CC2D1B: variants seen among roughly 807,000 people sequenced by gnomAD.
CC2D1B encodes coiled-coil and C2 domain containing 1B, also known as coiled-coil and C2 domain-containing protein 1B.
A neutral mutation model predicts 110.8 loss-of-function variants in CC2D1B; 92 were observed. The observed-to-expected ratio is 0.83, with a 90% CI of 0.70 to 0.99. The LOEUF (loss-of-function observed/expected upper bound fraction) is 0.99. Ranked by LOEUF, CC2D1B falls within the 50% of genes least tolerant of loss-of-function variation. The pLI, the probability that CC2D1B is intolerant of heterozygous loss-of-function variation, is 0.00. For missense variants in CC2D1B, 1,136 were observed against 1,089.0 expected, an observed-to-expected ratio of 1.04 and a Z score of -0.61; for synonymous variants, 406 against 429.2, an observed-to-expected ratio of 0.95 and a Z score of 0.67.
rs1176629656 is a variant in CC2D1B at position 52,351,472 on chromosome 1, G to A, written c.*1753C>T. The A allele has an allele frequency of 6.6e-6, 1 of 152,108 alleles. No individual in the cohort carries two copies. Among genetic ancestry groups the A allele is most frequent in the Non-Finnish European group, 1.5e-5 (1 of 68,038 alleles). 9.4% of individuals were successfully genotyped at this position (152,108 alleles called of 1,614,324 possible). A position where few individuals can be genotyped will look rare whatever the true frequency, so the allele number is the denominator to read the frequency against. On this transcript the variant is annotated 3_prime_UTR_variant, in exon 25 of 25. Transcript: ENST00000284376. ...CCAGTCACCTTTCTTTGCTCTATAG[G>A]TCATCTTATGAAGGCTAATCACCCT...
intron 6 of CC2D1B, 58 bp downstream of exon 6, chr1:52,360,366 C>T (rs1646752679): frequency 1.9e-6 from 3 of 1,600,874 alleles, no homozygotes; most frequent in Non-Finnish European, 2.6e-6. Flanking sequence ...GCGATCTCCA[C>T]CAGCCGCCTT....
rs975979817 is a variant in CC2D1B, at chr1:52,359,018, C to T, written c.1257+9G>A. 3.1e-6 allele frequency: 5 copies of T among 1,604,374 alleles called. No homozygotes were observed. In the South Asian group the frequency reaches 3.3e-5, roughly 11 times the overall value. ...AGCACAGGCAGGGGCTGCATAGCCG[C>T]GGGCCCACCTTGGCAATGCGCTCAT... On this transcript the variant is annotated intron_variant, in intron 11 of 24. Transcript: ENST00000284376.
chr1:52,353,901 A>C, intron 23 of CC2D1B: 1 of 370,550 alleles, frequency 2.7e-6, no homozygotes, highest in Non-Finnish European at 4.9e-6. Context: ...TTTCTCCTCA[A>C]TCCCCACGGC....
chr1:52,353,723 G>A, intron 23 of CC2D1B, 76 bp from the exon 24 acceptor site: 1 of 1,108,212 alleles, frequency 9.0e-7, no homozygotes, highest in Non-Finnish European at 1.3e-6. Context: ...ACATTCCCAG[G>A]AAAGAAGTGA....
At chr1:52,361,971 C>T (rs1646791177) in intron 3 of CC2D1B, among the ~76,000 whole-genome samples, 1 of 152,356 alleles carries the variant, frequency 6.6e-6, no homozygotes, top group African/African-American at 2.4e-5. Flanking sequence ...ATAATATCCC[C>T]TTTTCATATA....
At chr1:52,355,568 A>G (rs1646630864) in intron 20 of CC2D1B, 40 bp downstream of exon 20, 1 of 1,612,630 alleles carries the variant, frequency 6.2e-7, no homozygotes. Flanking sequence ...CTGGAATGCA[A>G]GGCGGGTTTC....
intron 2 of CC2D1B, among the ~76,000 whole-genome samples, 192 bp from the exon 3 acceptor site, chr1:52,362,938 C>G (rs1264157684): frequency 1.3e-5 from 2 of 152,172 alleles, no homozygotes; most frequent in African/African-American, 4.8e-5. Flanking sequence ...CAACAAAAAA[C>G]CCAGTAAGAC....
chr1:52,358,719 T>C lies in CC2D1B; in HGVS notation c.1297A>G (p.Lys433Glu), dbSNP rs765280551. The C allele has an allele frequency of 6.2e-7, 1 of 1,613,326 alleles. No homozygotes were observed. The highest frequency in any genetic ancestry group is 8.5e-7 in the Non-Finnish European group (1 of 1,179,786). The part of the protein sequence containing the change: ...DAIRAHRAGR[K>E]VNFAELPVPP... ...ACAGGCAATTCAGCAAAGTTGACTT[T>C]CCGTCCTGCTCGGTGTGCTCGAATA... Residue 433 changes from lysine to glutamate, a missense_variant, in exon 12 of 25, where the codon AAA becomes GAA. By Grantham distance (56) the Lys-to-Glu change is moderately conservative (BLOSUM62 1). Coordinates refer to ENST00000284376, the MANE Select transcript of CC2D1B (RefSeq NM_001330585.2).
intron 13 of CC2D1B, 100 bp from the exon 14 acceptor site, chr1:52,357,998 C>A: frequency 6.8e-7 from 1 of 1,475,302 alleles, no homozygotes; most frequent in Non-Finnish European, 9.0e-7. Context: ...TACTACATCG[C>A]TGTGTGACCT....
chr1:52,361,510 C>T lies in CC2D1B; in HGVS notation c.318+3G>A, dbSNP rs1465213135. ...CCCTGGGATACCAGCCTGGCAGACA[C>T]ACCAGCAGCTCTGCATCTTCCTCCA... On this transcript the variant is annotated splice_donor_region_variant and intron_variant, in intron 4 of 24. Transcript: ENST00000284376. 1 of 1,613,926 alleles carries T rather than the reference C, an allele frequency of 6.2e-7. No homozygotes were observed. The highest frequency in any genetic ancestry group is 2.2e-5 in the East Asian group (1 of 44,884).
At position 52,358,428 on chromosome 1, in the gene CC2D1B, A is replaced by G; in HGVS notation, c.1364T>C (p.Met455Thr). Residue 455 changes from methionine (M) to threonine (T), a missense_variant, in exon 13 of 25, where the codon ATG becomes ACG. By Grantham distance (81) the Met-to-Thr change is moderately conservative. Transcript: ENST00000284376. ...TGCCACTGCGTCCTCCTCAACACCCATAGTGGACTCCAGGCCAGGGATGGG... is the reference window on the plus strand; with the variant it reads ...TGCCACTGCGTCCTCCTCAACACCCGTAGTGGACTCCAGGCCAGGGATGGG... ...FPPIPGLESTMGVEEDAVAAT... is the reference protein window; with the variant it reads ...FPPIPGLESTTGVEEDAVAAT... The G allele has an allele frequency of 6.2e-7, 1 of 1,613,998 alleles. No homozygotes were observed. Among genetic ancestry groups the G allele is most frequent in the Non-Finnish European group, 8.5e-7 (1 of 1,179,994 alleles).
Position 52,356,456 on chromosome 1 carries a change from C to T in CC2D1B, c.1879-14G>A, listed in dbSNP as rs780001040. ...CAGCAGGCACTTCTGAAAATAGAGG[C>T]CCAGAGTGACTCCCGAGCCCAGAGC... On this transcript the variant is annotated splice_polypyrimidine_tract_variant and intron_variant, in intron 16 of 24. Transcript: ENST00000284376. 1 of 1,614,112 alleles carries T rather than the reference C, an allele frequency of 6.2e-7. No homozygotes were observed. Among genetic ancestry groups the T allele is most frequent in the East Asian group, 2.2e-5 (1 of 44,890 alleles).
At position 52,362,618 on chromosome 1, in the gene CC2D1B, T is replaced by C; in HGVS notation, c.198A>G (p.Pro66=). The C allele has an allele frequency of 6.2e-7, 1 of 1,614,202 alleles. No individual in the cohort carries two copies. The highest frequency in any genetic ancestry group is 8.5e-7 in the Non-Finnish European group (1 of 1,180,034). ...TGEAQTTGKK[P]APKGQAPLPM... is the part of the protein sequence containing the mutation. ...CAAACTCACCCTGCCCCTTGGGTGC[T>C]GGCTTCTTGCCTGTGGTTTGTGCTT... Residue 66 remains proline (P), a synonymous_variant, in exon 3 of 25, where the codon CCA becomes CCG. Coordinates refer to ENST00000284376, the MANE Select transcript of CC2D1B (RefSeq NM_001330585.2).
Position 52,361,569 on chromosome 1 carries a change from GCATA to G in CC2D1B, c.258_261del (p.Met87GlyfsTer19). On this transcript the variant is annotated frameshift_variant, in exon 4 of 25. Transcript: ENST00000284376. LOFTEE classifies it high-confidence loss of function. ...TCCTCCTCCTCCTCCTCCACATCCCGCATACAGTCTGCCGCCAACTTCTCGATGT... is the reference window on the plus strand; with the variant it reads ...TCCTCCTCCTCCTCCTCCACATCCCGCAGTCTGCCGCCAACTTCTCGATGT... 1 of 1,613,734 alleles carries G rather than the reference GCATA, an allele frequency of 6.2e-7. No homozygotes were observed. Among genetic ancestry groups the G allele is most frequent in the Non-Finnish European group, 8.5e-7 (1 of 1,179,986 alleles).
chr1:52,363,752 C>T (rs972155229), intron 2 of CC2D1B, among the ~76,000 whole-genome samples: 2 of 151,160 alleles, frequency 1.3e-5, no homozygotes, highest in African/African-American at 4.9e-5. Context: ...ACTATCTTGG[C>T]TCACTGCAAC....
In CC2D1B at chr1:52,358,677, C is replaced by G. The variant is rs774208841; in HGVS notation, c.1330+9G>C. On this transcript the variant is annotated intron_variant, in intron 12 of 24. Transcript: ENST00000284376. Reference sequence around the variant, plus strand: ...TCCTCACAGAGCCCCTAGGCCATGCCCCACTTACCTGGAGGAACAGGCAAT... The same window carrying G: ...TCCTCACAGAGCCCCTAGGCCATGCGCCACTTACCTGGAGGAACAGGCAAT... 3 of 1,612,738 alleles carry G rather than the reference C, an allele frequency of 1.9e-6. No homozygotes were observed. Among genetic ancestry groups the G allele is most frequent in the South Asian group, 2.2e-5 (2 of 90,930 alleles).
chr1:52,365,326 A>G (rs1404591591), intron 1 of CC2D1B, among the ~76,000 whole-genome samples: 1 of 152,278 alleles, frequency 6.6e-6, no homozygotes, highest in Non-Finnish European at 1.5e-5. Flanking sequence ...CCCAGGGGCC[A>G]TGGGTGCCCT....
At chr1:52,354,355 T>C (rs1193171748) in intron 23 of CC2D1B, 4 of 674,260 alleles carry the variant, frequency 5.9e-6, no homozygotes, top group Admixed American at 2.0e-5. Flanking sequence ...CAAGGTCGTA[T>C]AGTCCTTGCC....
intron 22 of CC2D1B, 37 bp from the exon 23 acceptor site, chr1:52,354,735 C>T: frequency 1.2e-6 from 2 of 1,608,746 alleles, no homozygotes; most frequent in Non-Finnish European, 1.7e-6. Flanking sequence ...TTGGACTGGG[C>T]AGGGAAGGCA....
Sources: allele counts gnomAD v4.1 joint callset (sites outside exome capture counted in the v4.1 genomes callset), GRCh38; gene constraint gnomAD v4.1.1; transcripts MANE v1.5; gene names NCBI Gene and HGNC (gene_info 2026-07-23, HGNC 2026-07-21).